PRKCH: variants seen among roughly 807,000 people sequenced by gnomAD.
PRKCH encodes protein kinase C eta type.
Under a neutral mutation model 82.5 loss-of-function variants are expected in PRKCH, and 28 were observed. The ratio of observed to expected loss-of-function variants is 0.34; its 90% CI spans 0.25 to 0.47. PRKCH has a LOEUF of 0.47. Among genes scored for constraint, PRKCH ranks in the 20% least tolerant of loss-of-function variants. The pLI is 1.00. For synonymous variants in PRKCH, 322 were observed against 327.4 expected (o/e 0.98, Z 0.18); for missense variants, 705 against 881.8 (o/e 0.80, Z 2.54).
intron 12 of PRKCH, among the ~76,000 whole-genome samples, chr14:61,542,761 C>T (rs900889874): frequency 1.3e-5 from 2 of 152,096 alleles, no homozygotes; most frequent in African/African-American, 4.8e-5. Context: ...GCATTTGGGT[C>T]CCATTAGGGA....
In PRKCH at chr14:61,208,617, CAT is replaced by C. The variant is rs2044545573; in HGVS notation, c.-19+20951_-19+20952del. Among the ~76,000 whole-genome samples, 5 of 152,162 alleles carry C rather than the reference CAT, an allele frequency of 3.3e-5. No individual in the cohort carries two copies. In the South Asian group the frequency reaches 6.2e-4, roughly 19 times the overall value. On this transcript the variant is annotated intron_variant, in intron 1 of 3. Coordinates refer to the PRKCH transcript ENST00000555185. ...TAAGATTCTCAATGATTCCAAAAAT[CAT>C]AGAGTCCTGAAGAGCGCGTCTTTAA...
chr14:61,271,659 G>A (rs1164899069), intron 1 of PRKCH, among the ~76,000 whole-genome samples: 2 of 152,344 alleles, frequency 1.3e-5, no homozygotes, highest in East Asian at 3.9e-4. Flanking sequence ...GTGAAATGCA[G>A]TTAATATTAG....
In PRKCH at chr14:61,290,035, T is replaced by C. The variant is rs192235223; in HGVS notation, c.-19+102367T>C. On this transcript the variant is annotated intron_variant, in intron 1 of 3. Coordinates refer to the PRKCH transcript ENST00000555185. Reference sequence around the variant, plus strand: ...GTGTCCAGGCACGGTGGCCCATGCCTGTTATCCCAGCACTTGGGGAGGCTG... The same window carrying C: ...GTGTCCAGGCACGGTGGCCCATGCCCGTTATCCCAGCACTTGGGGAGGCTG... 3.3e-3 allele frequency among the ~76,000 whole-genome samples: 499 copies of C among 152,304 alleles called. 2 individuals carry two copies. Among genetic ancestry groups the C allele is most frequent in the African/African-American group, 0.011 (471 of 41,580 alleles).
intron 2 of PRKCH, among the ~76,000 whole-genome samples, chr14:61,396,735 G>T (rs2046789312): frequency 6.6e-6 from 1 of 152,186 alleles, no homozygotes; most frequent in African/African-American, 2.4e-5. Flanking sequence ...TACAAGAAAC[G>T]AAAAGGAGTG....
At chr14:61,272,088 C>T (rs1412785536) in intron 1 of PRKCH, among the ~76,000 whole-genome samples, 17 of 151,778 alleles carry the variant, frequency 1.1e-4, no homozygotes, top group African/African-American at 3.4e-4. Context: ...ATTAGCCGGG[C>T]GTGGTGGCGG....
At chr14:61,229,571 G>C (rs1377039522) in intron 1 of PRKCH, among the ~76,000 whole-genome samples, 2 of 152,216 alleles carry the variant, frequency 1.3e-5, no homozygotes, top group African/African-American at 2.4e-5. Flanking sequence ...GAAGGAGCCT[G>C]TTTGATTAGA....
intron 1 of PRKCH, among the ~76,000 whole-genome samples, chr14:61,216,556 C>A (rs372462157): frequency 6.6e-6 from 1 of 152,150 alleles, no homozygotes; most frequent in Non-Finnish European, 1.5e-5. Context: ...GACAGAAGGA[C>A]AGAGATGTTT....
intron 2 of PRKCH, among the ~76,000 whole-genome samples, chr14:61,413,226 T>C (rs2140235171): frequency 6.6e-6 from 1 of 152,272 alleles, no homozygotes; most frequent in Non-Finnish European, 1.5e-5. Flanking sequence ...CTCTCCTTTC[T>C]CTGCAATCTT....
chr14:61,538,270 A>T (rs1425754067), intron 12 of PRKCH, among the ~76,000 whole-genome samples: 3 of 152,224 alleles, frequency 2.0e-5, no homozygotes, highest in Non-Finnish European at 4.4e-5. Flanking sequence ...CAGGACTGGA[A>T]TACCTGTCTG....
intron 10 of PRKCH, among the ~76,000 whole-genome samples, chr14:61,515,565 C>T (rs1156667302): frequency 6.6e-6 from 1 of 152,160 alleles, no homozygotes; most frequent in Non-Finnish European, 1.5e-5. Context: ...TGTCAATAGA[C>T]GACGGTGTTG....
intron 1 of PRKCH, among the ~76,000 whole-genome samples, chr14:61,246,330 C>A (rs1333500690): frequency 6.6e-6 from 1 of 150,978 alleles, no homozygotes; most frequent in Non-Finnish European, 1.5e-5. Context: ...ATCACTTGAA[C>A]CTGGGAGGTG....
chr14:61,444,841 G>A (rs1326331849), intron 3 of PRKCH, among the ~76,000 whole-genome samples: 1 of 152,162 alleles, frequency 6.6e-6, no homozygotes. Flanking sequence ...ACTATTGTGA[G>A]CATTTTATAT....
intron 10 of PRKCH, among the ~76,000 whole-genome samples, chr14:61,506,634 C>T (rs1376387282): frequency 6.6e-6 from 1 of 152,126 alleles, no homozygotes; most frequent in Non-Finnish European, 1.5e-5. Context: ...CCCTGGGGCT[C>T]TTTATTCTCA....
chr14:61,330,981 T>C (rs2045777918), intron 1 of PRKCH, among the ~76,000 whole-genome samples: 1 of 152,034 alleles, frequency 6.6e-6, no homozygotes, highest in Non-Finnish European at 1.5e-5. Flanking sequence ...AAAAATCTCA[T>C]AATGTTTTAA....
chr14:61,254,908 C>T (rs1368034502), intron 1 of PRKCH, among the ~76,000 whole-genome samples: 1 of 152,168 alleles, frequency 6.6e-6, no homozygotes, highest in Admixed American at 6.5e-5. Context: ...CTCCTTCATT[C>T]CTCCTTCACC....
chr14:61,287,120 G>A (rs1214896189), intron 1 of PRKCH, among the ~76,000 whole-genome samples: 2 of 143,972 alleles, frequency 1.4e-5, no homozygotes, highest in Non-Finnish European at 3.0e-5. Context: ...CAGGAGAATC[G>A]CTTGAACCCG....
chr14:61,334,717 C>G (rs748149838), intron 1 of PRKCH, among the ~76,000 whole-genome samples: 2 of 152,144 alleles, frequency 1.3e-5, no homozygotes, highest in African/African-American at 2.4e-5. Context: ...CCCTCCATCT[C>G]TGATGATTAG....
At chr14:61,254,771 A>G (rs915035065) in intron 1 of PRKCH, among the ~76,000 whole-genome samples, 3 of 152,212 alleles carry the variant, frequency 2.0e-5, no homozygotes, top group Admixed American at 6.5e-5. Context: ...CCCTGGCTGT[A>G]TGAATATTTC....
At chr14:61,416,043 CTTTTCTTTTCTTTTT>C (rs1273884652) in intron 2 of PRKCH, among the ~76,000 whole-genome samples, 1,461 of 93,708 alleles carry the variant, frequency 0.016, 19 homozygotes, top group African/African-American at 0.051. Flanking sequence ...TTTTTCTTTT[CTTTTCTTTTCTTTTT>C]TTTTTTTTTT....
Sources: gnomAD v4.1 joint callset for allele counts (sites outside exome capture counted in the v4.1 genomes callset) on GRCh38, gnomAD v4.1.1 for gene constraint, MANE v1.5 for transcripts, NCBI Gene and HGNC (gene_info 2026-07-23, HGNC 2026-07-21) for gene names.